Variants in AGBL4 observed in about 807,000 individuals in gnomAD.
The protein encoded by AGBL4 is cytosolic carboxypeptidase 6.
AGBL4 carries 58 observed loss-of-function variants against 66.4 expected under a neutral mutation model. That is an observed-to-expected ratio of 0.87 (90% CI 0.71 to 1.09). The LOEUF (loss-of-function observed/expected upper bound fraction) is 1.09, where lower values mean the gene tolerates loss of function less well. Ranked by LOEUF, AGBL4 falls within the 50% of genes least tolerant of loss-of-function variation. AGBL4 has a pLI of 0.00. For missense variants in AGBL4, 579 were observed against 631.0 expected (o/e 0.92, Z 0.88); for synonymous variants, 234 against 222.9 (o/e 1.05, Z -0.44).
At chr1:49,555,763 C>A (rs905436375) in intron 3 of AGBL4, among the ~76,000 whole-genome samples, 5 of 151,594 alleles carry the variant, frequency 3.3e-5, no homozygotes, top group African/African-American at 9.7e-5. Context: ...ATGCAGCCAA[C>A]AGACACATGA....
chr1:49,247,584 C>G (rs918312866), intron 3 of AGBL4, among the ~76,000 whole-genome samples: 6 of 152,032 alleles, frequency 3.9e-5, no homozygotes, highest in Admixed American at 6.6e-5. Flanking sequence ...ATAAGCCCCC[C>G]CTTTTTTTTC....
Position 49,873,515 on chromosome 1 carries a change from GA to G in AGBL4, c.35-21998del, listed in dbSNP as rs563118860. 6.1e-3 allele frequency among the ~76,000 whole-genome samples: 931 copies of G among 152,104 alleles called. 11 individuals carry two copies. Among genetic ancestry groups the G allele is most frequent in the Non-Finnish European group, 7.5e-3 (507 of 67,980 alleles). On this transcript the variant is annotated intron_variant, in intron 1 of 13. Transcript: ENST00000371839. ...CTGCCTTACCTTTTGTTCCTAAGCA[GA>G]TAGCTACAGATAAAAAGTCAGATAT...
intron 2 of AGBL4, among the ~76,000 whole-genome samples, chr1:49,744,648 G>T (rs905624693): frequency 2.5e-4 from 38 of 151,902 alleles, no homozygotes; most frequent in Non-Finnish European, 1.0e-4. Flanking sequence ...GATATAATAT[G>T]AAAAAAGTAT....
At position 49,940,947 on chromosome 1, in the gene AGBL4, A is replaced by T. The variant is rs993417439; in HGVS notation, c.34+82816T>A. 2.0e-5 allele frequency among the ~76,000 whole-genome samples: 3 copies of T among 152,122 alleles called. No individual in the cohort carries two copies. In the South Asian group the frequency reaches 6.2e-4, roughly 32 times the overall value. ...TTTTAGCTTAAGTGAGAAGGAAAAA[A>T]GTTTCAAATAAATAAAAATATAAAT... On this transcript the variant is annotated intron_variant, in intron 1 of 13. Coordinates refer to ENST00000371839, the MANE Select transcript of AGBL4 (RefSeq NM_032785.4).
intron 4 of AGBL4, among the ~76,000 whole-genome samples, chr1:49,215,688 C>T (rs1053863222): frequency 1.3e-5 from 2 of 152,058 alleles, no homozygotes; most frequent in African/African-American, 4.8e-5. Flanking sequence ...CAAGTCTGGA[C>T]ACAATATGCT....
intron 4 of AGBL4, among the ~76,000 whole-genome samples, chr1:49,062,987 T>G (rs1557608191): frequency 6.6e-6 from 1 of 152,220 alleles, no homozygotes; most frequent in Non-Finnish European, 1.5e-5. Flanking sequence ...CACAACTTCC[T>G]ACTTTTTAGG....
chr1:49,884,336 T>C (rs183929534), intron 1 of AGBL4, among the ~76,000 whole-genome samples: 50 of 152,032 alleles, frequency 3.3e-4, no homozygotes, highest in Admixed American at 3.1e-3. Context: ...ACTTAGAACA[T>C]AGTATTCACT....
chr1:48,908,655 T>C (rs1652829791), intron 5 of AGBL4, among the ~76,000 whole-genome samples: 1 of 152,184 alleles, frequency 6.6e-6, no homozygotes, highest in African/African-American at 2.4e-5. Context: ...AGTGTTTTTT[T>C]CCATTGAACA....
intron 3 of AGBL4, among the ~76,000 whole-genome samples, chr1:49,564,635 C>A (rs1254939679): frequency 6.6e-6 from 1 of 152,136 alleles, no homozygotes; most frequent in Non-Finnish European, 1.5e-5. Flanking sequence ...GTTTCTTAAT[C>A]CTGAGTTCTA....
intron 1 of AGBL4, among the ~76,000 whole-genome samples, chr1:49,875,312 C>G (rs1295519559): frequency 4.4e-5 from 5 of 114,588 alleles, no homozygotes; most frequent in Admixed American, 3.7e-4. Context: ...CCCCCTCCCC[C>G]CTCCACACCA....
chr1:48,736,284 CT>C lies in AGBL4; in HGVS notation c.635-73044del. ...TGAGGCGAGAGGGGTGGTTTAGGGACTGCATCTTTCTTTTTTTTTGTGGCGA... is the reference window on the plus strand; with the variant it reads ...TGAGGCGAGAGGGGTGGTTTAGGGACGCATCTTTCTTTTTTTTTGTGGCGA... On this transcript the variant is annotated intron_variant, in intron 6 of 13. Coordinates refer to ENST00000371839, the MANE Select transcript of AGBL4 (RefSeq NM_032785.4). The surrounding 1 kb of genome is among the most constrained non-coding windows in gnomAD (Gnocchi z 4.0). 1 of 1,614,172 alleles carries C rather than the reference CT, an allele frequency of 6.2e-7. No individual in the cohort carries two copies. The highest frequency in any genetic ancestry group is 8.5e-7 in the Non-Finnish European group (1 of 1,180,022).
Position 49,963,525 on chromosome 1 carries a change from C to T in AGBL4, c.34+60238G>A, listed in dbSNP as rs1160518342. Among the ~76,000 whole-genome samples, 21 of 152,164 alleles carry T rather than the reference C, an allele frequency of 1.4e-4. 1 individual carries two copies. The highest frequency in any genetic ancestry group is 1.4e-3 in the Admixed American group (21 of 15,274). ...AACAAAACAACTTAAGATATTAATT[C>T]AGCTTTGGTTTCAGAGTAATAAAAT... On this transcript the variant is annotated intron_variant, in intron 1 of 13. Transcript: ENST00000371839.
intron 4 of AGBL4, among the ~76,000 whole-genome samples, chr1:49,125,355 T>C (rs1645744344): frequency 1.3e-5 from 2 of 152,136 alleles, no homozygotes; most frequent in African/African-American, 4.8e-5. Context: ...CGAAATGGTA[T>C]TAAGAATGTT....
intron 11 of AGBL4, 78 bp downstream of exon 11, chr1:48,586,926 C>T: frequency 6.3e-7 from 1 of 1,582,600 alleles, no homozygotes; most frequent in Non-Finnish European, 8.6e-7. Flanking sequence ...AGCTGGGGGC[C>T]TAATTCCTGA....
intron 2 of AGBL4, among the ~76,000 whole-genome samples, chr1:49,736,349 G>C (rs917683453): frequency 6.6e-6 from 1 of 151,384 alleles, no homozygotes; most frequent in South Asian, 2.1e-4. Context: ...TTTCTTTTTT[G>C]TCTTAAAAAA....
rs112063204 is a variant in AGBL4, at chr1:49,823,962, G to A, written c.157+27434C>T. On this transcript the variant is annotated intron_variant, in intron 2 of 13. Coordinates refer to ENST00000371839, the MANE Select transcript of AGBL4 (RefSeq NM_032785.4). ...ACAGTGGCTCAAGCCTGTAATCCCAGCACTTTGGGAGGTCGAGTTGGGTGG... is the reference window on the plus strand; with the variant it reads ...ACAGTGGCTCAAGCCTGTAATCCCAACACTTTGGGAGGTCGAGTTGGGTGG... 4.4e-3 allele frequency among the ~76,000 whole-genome samples: 672 copies of A among 152,208 alleles called. 9 individuals carry two copies. Among genetic ancestry groups the A allele is most frequent in the African/African-American group, 0.015 (630 of 41,556 alleles).
At chr1:48,570,739 A>C (rs542069884) in intron 11 of AGBL4, among the ~76,000 whole-genome samples, 1 of 152,274 alleles carries the variant, frequency 6.6e-6, no homozygotes, top group East Asian at 1.9e-4. Context: ...CATTCCCAGA[A>C]TCCCAGACAT....
At chr1:49,323,479 T>A (rs1400921134) in intron 3 of AGBL4, among the ~76,000 whole-genome samples, 1 of 145,970 alleles carries the variant, frequency 6.9e-6, no homozygotes, top group Admixed American at 6.9e-5. Context: ...TTGTATTTTG[T>A]AGAGACGAGG....
chr1:49,147,311 A>C (rs1646236750), intron 4 of AGBL4, among the ~76,000 whole-genome samples: 1 of 152,182 alleles, frequency 6.6e-6, no homozygotes, highest in African/African-American at 2.4e-5. Context: ...TGTGACTCCA[A>C]AGTCTATGCT....
Sources: allele counts gnomAD v4.1 joint callset (sites outside exome capture counted in the v4.1 genomes callset), GRCh38; gene constraint gnomAD v4.1.1; non-coding constraint Gnocchi (gnomAD v3.1); transcripts MANE v1.5; gene names NCBI Gene and HGNC (gene_info 2026-07-23, HGNC 2026-07-21).